The following TCTN2 variants were observed in gnomAD, a reference collection of about 807,000 sequenced individuals.
The protein encoded by TCTN2 is tectonic-2.
A neutral mutation model predicts 83.4 loss-of-function variants in TCTN2; 66 were observed. That is an observed-to-expected ratio of 0.79 (90% confidence interval 0.65 to 0.97). TCTN2 has a LOEUF of 0.97. Ranked by LOEUF, TCTN2 falls within the 50% of genes least tolerant of loss-of-function variation. The pLI is 0.00. For missense variants in TCTN2, 794 were observed against 858.1 expected, an observed-to-expected ratio of 0.93 and a Z score of 0.93; for synonymous variants, 301 against 326.7, an observed-to-expected ratio of 0.92 and a Z score of 0.85.
At chr12:123,692,015 C>T (rs1186619304) in intron 8 of TCTN2, among the ~76,000 whole-genome samples, 2 of 152,192 alleles carry the variant, frequency 1.3e-5, no homozygotes, top group African/African-American at 4.8e-5. Context: ...CTGCCTCAGC[C>T]TCCCGAGTAG....
chr12:123,701,106 TAAAAG>T (rs1956167290), intron 14 of TCTN2, among the ~76,000 whole-genome samples: 1 of 152,144 alleles, frequency 6.6e-6, no homozygotes, highest in Non-Finnish European at 1.5e-5. Context: ...TTTGTTAACT[TAAAAG>T]AAAATAAAGT....
chr12:123,697,238 G>A (rs1234136394), intron 13 of TCTN2, 40 bp downstream of exon 13: 1 of 1,422,632 alleles, frequency 7.0e-7, no homozygotes, highest in Non-Finnish European at 9.9e-7. Context: ...AATGTGAATG[G>A]TTTGCCTAGA....
chr12:123,696,025 G>A (rs1479177772), intron 11 of TCTN2: 1 of 251,618 alleles, frequency 4.0e-6, no homozygotes, highest in East Asian at 1.0e-4. Flanking sequence ...TGTACTTTTA[G>A]TAGAGATGAG....
At chr12:123,702,149 T>A (rs1233829286) in intron 14 of TCTN2, among the ~76,000 whole-genome samples, 4 of 152,180 alleles carry the variant, frequency 2.6e-5, no homozygotes, top group Admixed American at 6.6e-5. Context: ...ATACTTTGAA[T>A]GGAAAGCTTT....
Position 123,683,061 on chromosome 12 carries a change from T to C in TCTN2, c.564+3772T>C, listed in dbSNP as rs995263639. Among the ~76,000 whole-genome samples, 9 of 151,096 alleles carry C rather than the reference T, an allele frequency of 6.0e-5. No individual in the cohort carries two copies. The East Asian group carries it at 1.2e-3, about 21-fold the overall frequency. The stretch of plus-strand genomic sequence containing the variant: ...CAACATGGTGAAACCCCATCTGTAC[T>C]AAAATACAAAAATTAGCTGGACGTG... On this transcript the variant is annotated intron_variant, in intron 5 of 17. Coordinates refer to ENST00000303372, the MANE Select transcript of TCTN2 (RefSeq NM_024809.5).
At chr12:123,693,642 C>T (rs1331050101) in intron 9 of TCTN2, among the ~76,000 whole-genome samples, 1 of 150,328 alleles carries the variant, frequency 6.7e-6, no homozygotes, top group African/African-American at 2.4e-5. Flanking sequence ...TTAGTAGAGA[C>T]GGGGTTTCAC....
chr12:123,671,186 C>T lies in TCTN2; in HGVS notation c.-55C>T, dbSNP rs78846567. ...GCTGCGTTTTCGTGTCTGAGTCCTT[C>T]CTGGGTTCTAATGAGGGCGCGGTTC... On this transcript the variant is annotated 5_prime_UTR_variant, in exon 1 of 18. Coordinates refer to ENST00000303372, the MANE Select transcript of TCTN2 (RefSeq NM_024809.5). 3.2e-6 allele frequency: 5 copies of T among 1,539,784 alleles called. No individual in the cohort carries two copies. The East Asian group carries it at 1.2e-4, about 36-fold the overall frequency.
At chr12:123,687,581 C>G (rs566760791) in intron 6 of TCTN2, among the ~76,000 whole-genome samples, 2 of 152,110 alleles carry the variant, frequency 1.3e-5, no homozygotes, top group African/African-American at 4.8e-5. Flanking sequence ...GGCCTGAACC[C>G]GGGCGGCGGA....
chr12:123,707,601 C>T lies in TCTN2; in HGVS notation c.1985-3C>T. 2 of 1,613,724 alleles carry T rather than the reference C, an allele frequency of 1.2e-6. No individual in the cohort carries two copies. Among genetic ancestry groups the T allele is most frequent in the African/African-American group, 1.3e-5 (1 of 75,044 alleles). On this transcript the variant is annotated splice_region_variant and splice_polypyrimidine_tract_variant and intron_variant, in intron 17 of 17. Coordinates refer to ENST00000303372, the MANE Select transcript of TCTN2 (RefSeq NM_024809.5). ...CTGTTGAATTTTGTCCATTGTTTTT[C>T]AGGGGAGCTGCATTCTCAGTGTGTT...
intron 4 of TCTN2, among the ~76,000 whole-genome samples, chr12:123,675,693 T>C (rs141890723): frequency 6.6e-6 from 1 of 152,290 alleles, no homozygotes; most frequent in East Asian, 1.9e-4. Flanking sequence ...ATGAAAACAT[T>C]TGCATAAAGA....
chr12:123,693,376 CTT>C (rs373196834), intron 9 of TCTN2, among the ~76,000 whole-genome samples: 104 of 92,936 alleles, frequency 1.1e-3, no homozygotes, highest in African/African-American at 4.2e-3. Flanking sequence ...GCTTTCTTTC[CTT>C]TTTTTTTTTT....
intron 9 of TCTN2, among the ~76,000 whole-genome samples, chr12:123,693,397 TGATAATTAAAC>T: frequency 6.8e-6 from 1 of 146,682 alleles, no homozygotes. Context: ...TTTTTTTTTT[TGATAATTAAAC>T]TTTCCAATTG....
chr12:123,672,105 CTG>C lies in TCTN2; in HGVS notation c.241_242del (p.Trp81GlufsTer28), dbSNP rs746929128. 2 of 1,614,178 alleles carry C rather than the reference CTG, an allele frequency of 1.2e-6. No individual in the cohort carries two copies. The highest frequency in any genetic ancestry group is 1.1e-5 in the South Asian group (1 of 91,086). ...GAGTGCTGAACAATGAGACGGAAGA[CTG>C]GAGCGTGACTGTGATCCCCGGTGCG... ...CGVLNNETED[W>X]SVTVIPGAKV... On this transcript the variant is annotated frameshift_variant, in exon 3 of 18. Coordinates refer to ENST00000303372, the MANE Select transcript of TCTN2 (RefSeq NM_024809.5). LOFTEE classifies it high-confidence loss of function.
At chr12:123,689,828 C>T (rs1163481331) in intron 7 of TCTN2, among the ~76,000 whole-genome samples, 37 of 152,104 alleles carry the variant, frequency 2.4e-4, no homozygotes, top group Non-Finnish European at 1.0e-4. Context: ...ATGACAGGGT[C>T]TTGCTCTGTC....
chr12:123,703,288 T>C (rs1956193339), intron 14 of TCTN2, among the ~76,000 whole-genome samples: 1 of 151,986 alleles, frequency 6.6e-6, no homozygotes, highest in Admixed American at 6.6e-5. Context: ...TTCAAGTGAT[T>C]CTCCTGCCTC....
In TCTN2 at chr12:123,694,380, C is replaced by T. The variant is rs549338717; in HGVS notation, c.1100-462C>T. On this transcript the variant is annotated intron_variant, in intron 9 of 17. Coordinates refer to ENST00000303372, the MANE Select transcript of TCTN2 (RefSeq NM_024809.5). ...TTGACCTCAGGTGATCTGCCCACCTCGGCCTCCCCAAGTGCTGGGTGTCTC... is the reference window on the plus strand; with the variant it reads ...TTGACCTCAGGTGATCTGCCCACCTTGGCCTCCCCAAGTGCTGGGTGTCTC... Among the ~76,000 whole-genome samples the T allele has an allele frequency of 3.9e-4, 60 of 152,354 alleles. 1 individual carries two copies. In the South Asian group the frequency reaches 8.9e-3, roughly 23 times the overall value.
chr12:123,696,798 C>T lies in TCTN2; in HGVS notation c.1394-289C>T, dbSNP rs1054574463. 16 of 527,200 alleles carry T rather than the reference C, an allele frequency of 3.0e-5. No homozygotes were observed. The African/African-American group carries it at 3.1e-4, about 10-fold the overall frequency. 32.7% of individuals were successfully genotyped at this position (527,200 alleles called of 1,614,324 possible). ...AGCCCAGGATGGTGCTAATTGGAGA[C>T]ATGAAAATAACTTCGTTCTGAACTG... On this transcript the variant is annotated intron_variant, in intron 12 of 17. Coordinates refer to ENST00000303372, the MANE Select transcript of TCTN2 (RefSeq NM_024809.5).
chr12:123,671,716 C>A, intron 2 of TCTN2, 102 bp downstream of exon 2: 1 of 996,882 alleles, frequency 1.0e-6, no homozygotes, highest in South Asian at 1.4e-5. Context: ...TGCCTCTGTT[C>A]TCTGCAAAGT....
chr12:123,677,022 A>G (rs949880182), intron 4 of TCTN2, among the ~76,000 whole-genome samples: 6 of 152,010 alleles, frequency 3.9e-5, no homozygotes, highest in African/African-American at 1.5e-4. Flanking sequence ...TACAGAAAAT[A>G]TGAACGTTAC....
Sources: allele counts gnomAD v4.1 joint callset (sites outside exome capture counted in the v4.1 genomes callset), GRCh38; gene constraint gnomAD v4.1.1; transcripts MANE v1.5; gene names NCBI Gene and HGNC (gene_info 2026-07-23, HGNC 2026-07-21).